RWDD3: variants seen among roughly 807,000 people sequenced by gnomAD.
The protein encoded by RWDD3 is RWD domain containing 3.
In RWDD3, 30 loss-of-function variants were observed where a neutral mutation model predicts 26.5. That is an observed-to-expected ratio of 1.13 (90% CI 0.85 to 1.54). The LOEUF (loss-of-function observed/expected upper bound fraction) is 1.54, where lower values mean the gene tolerates loss of function less well. RWDD3 is among the 40% of genes most tolerant of loss of function. The pLI is 0.00. For synonymous variants in RWDD3, 113 were observed against 114.5 expected, an observed-to-expected ratio of 0.99 and a Z score of 0.09; for missense variants, 296 against 309.1, an observed-to-expected ratio of 0.96 and a Z score of 0.32.
intron 1 of RWDD3, among the ~76,000 whole-genome samples, chr1:95,235,882 A>G (rs1187994801): frequency 6.6e-6 from 1 of 152,154 alleles, no homozygotes; most frequent in Non-Finnish European, 1.5e-5. Flanking sequence ...AAAAAAGAAA[A>G]AACACTGCCA....
chr1:95,242,507 C>T (rs1423029815), intron 1 of RWDD3, among the ~76,000 whole-genome samples: 1 of 152,230 alleles, frequency 6.6e-6, no homozygotes, highest in Non-Finnish European at 1.5e-5. Context: ...AAAGTTTATT[C>T]AGCCTAAATG....
chr1:95,234,263 C>A lies in RWDD3; in HGVS notation c.33C>A (p.Val11=). 6.3e-7 allele frequency: 1 copy of A among 1,598,186 alleles called. No homozygotes were observed. The highest frequency in any genetic ancestry group is 8.5e-7 in the Non-Finnish European group (1 of 1,172,898). Residue 11 remains valine (V), a synonymous_variant, in exon 1 of 4, where the codon GTC becomes GTA. Coordinates refer to ENST00000370202, the MANE Select transcript of RWDD3 (RefSeq NM_015485.5). ...AGCCTGTGCAGGAGGAGCTCTCGGT[C>A]CTGGCCGCGATTTTCTGCAGGCCCC... MAEPVQEELS[V]LAAIFCRPHE...
rs749609666 is a variant in RWDD3, at chr1:95,246,863, T to C, written c.797T>C (p.Val266Ala). ...TTCTCCGAATTTGTACTTGCTCTGG[T>C]AAAATGAAATGGAAGACAGGAATCT... is the stretch of plus-strand genomic sequence containing the variant. The part of the protein sequence containing the change: ...KLFSEFVLAL[V>A]K Residue 266 changes from valine (V) to alanine (A), a missense_variant, in exon 4 of 4, where the codon GTA becomes GCA. By Grantham distance (64) the Val-to-Ala change is moderately conservative. Coordinates refer to ENST00000370202, the MANE Select transcript of RWDD3 (RefSeq NM_015485.5). 6.6e-7 allele frequency: 1 copy of C among 1,510,116 alleles called. No individual in the cohort carries two copies. Among genetic ancestry groups the C allele is most frequent in the Non-Finnish European group, 8.9e-7 (1 of 1,127,016 alleles). The allele number at this position is 1,510,116 out of a possible 1,614,324, so 93.5% of individuals were successfully genotyped here. A position where few individuals can be genotyped will look rare whatever the true frequency, so the allele number is the denominator to read the frequency against.
chr1:95,234,422 A>C, intron 1 of RWDD3, 107 bp downstream of exon 1: 1 of 1,004,722 alleles, frequency 1.0e-6, no homozygotes, highest in South Asian at 1.4e-5. Flanking sequence ...GGGCCCACGT[A>C]TGGGGACCGG....
chr1:95,240,848 GA>G lies in RWDD3; in HGVS notation c.86-3353del, dbSNP rs113157057. Among the ~76,000 whole-genome samples the G allele has an allele frequency of 3.7e-4, 54 of 146,616 alleles. No homozygotes were observed. The East Asian group carries it at 3.8e-3, about 10-fold the overall frequency. On this transcript the variant is annotated intron_variant, in intron 1 of 3. Transcript: ENST00000370202. Reference sequence around the variant, plus strand: ...GAATGCTAAGTATGAAAGAAGGAGGGAAAAAAAAAAGTTGAAGGCAGCTTTA... The same window carrying G: ...GAATGCTAAGTATGAAAGAAGGAGGGAAAAAAAAAGTTGAAGGCAGCTTTA...
chr1:95,238,146 T>G (rs1045086596), intron 1 of RWDD3, among the ~76,000 whole-genome samples: 2 of 152,250 alleles, frequency 1.3e-5, no homozygotes, highest in Non-Finnish European at 2.9e-5. Flanking sequence ...GTGGGAGTTG[T>G]GCTTCTGGAA....
chr1:95,235,047 ATTTATTT>A lies in RWDD3; in HGVS notation c.85+744_85+750del, dbSNP rs1158764998. ...GGCTGAATTTTATTTATTTTATTTT[ATTTATTT>A]TTTATTTTTTAAGACGGAGTCTTGC... On this transcript the variant is annotated intron_variant, in intron 1 of 3. Coordinates refer to ENST00000370202, the MANE Select transcript of RWDD3 (RefSeq NM_015485.5). 2.9e-3 allele frequency among the ~76,000 whole-genome samples: 393 copies of A among 133,492 alleles called. 1 individual carries two copies. The highest frequency in any genetic ancestry group is 4.5e-3 in the Non-Finnish European group (284 of 63,014). 87.6% of individuals were successfully genotyped at this position (133,492 alleles called of 152,430 possible). A position where few individuals can be genotyped will look rare whatever the true frequency, so the allele number is the denominator to read the frequency against.
At chr1:95,244,768 G>A (rs1680782303) in intron 2 of RWDD3, 70 bp downstream of exon 2, 5 of 1,487,408 alleles carry the variant, frequency 3.4e-6, no homozygotes. Flanking sequence ...CTTTAAGTGT[G>A]TTTTATAACA....
At position 95,246,906 on chromosome 1, in the gene RWDD3, G is replaced by A. The variant is rs1397105139; in HGVS notation, c.*36G>A. On this transcript the variant is annotated 3_prime_UTR_variant, in exon 4 of 4. Transcript: ENST00000370202. ...AGGAATCTTTTAGTAAAATAGCAGTGTTTTTTGTTGTTTTTGCATTGGATT... is the reference window on the plus strand; with the variant it reads ...AGGAATCTTTTAGTAAAATAGCAGTATTTTTTGTTGTTTTTGCATTGGATT... 10 of 1,243,288 alleles carry A rather than the reference G, an allele frequency of 8.0e-6. No homozygotes were observed. In the South Asian group the frequency reaches 8.3e-5, roughly 10 times the overall value. 77.0% of individuals were successfully genotyped at this position (1,243,288 alleles called of 1,614,324 possible). A position where few individuals can be genotyped will look rare whatever the true frequency, so the allele number is the denominator to read the frequency against.
chr1:95,244,081 C>T, intron 1 of RWDD3, 130 bp from the exon 2 acceptor site: 2 of 1,358,432 alleles, frequency 1.5e-6, no homozygotes, highest in Non-Finnish European at 2.0e-6. Flanking sequence ...TATTACGTGT[C>T]CCTTCATAAA....
intron 2 of RWDD3, among the ~76,000 whole-genome samples, chr1:95,245,443 A>T (rs1431233850): frequency 6.6e-6 from 1 of 152,238 alleles, no homozygotes; most frequent in Non-Finnish European, 1.5e-5. Flanking sequence ...TAGGTCATGA[A>T]TAATTACATT....
chr1:95,234,360 C>A (rs1680187988), intron 1 of RWDD3, 45 bp downstream of exon 1: 3 of 1,534,282 alleles, frequency 2.0e-6, no homozygotes, highest in Non-Finnish European at 2.7e-6. Flanking sequence ...TCAGGGGCCA[C>A]CCGCGTTCGC....
rs771052210 is a variant in RWDD3, at chr1:95,246,774, C to CA, written c.711dup (p.Glu238ArgfsTer7). On this transcript the variant is annotated frameshift_variant, in exon 4 of 4. Coordinates refer to ENST00000370202, the MANE Select transcript of RWDD3 (RefSeq NM_015485.5). LOFTEE classifies it high-confidence loss of function. The stretch of plus-strand genomic sequence containing the variant: ...AATGCAGGTTTCTGGCATTTGAAGT[C>CA]AAAGAGTATTCAGCGTTGGATGAAT... The CA allele has an allele frequency of 1.3e-6, 2 of 1,561,728 alleles. No individual in the cohort carries two copies. Among genetic ancestry groups the CA allele is most frequent in the Non-Finnish European group, 1.7e-6 (2 of 1,157,370 alleles).
rs1158048193 is a variant in RWDD3, at chr1:95,246,660, A to G, written c.689+3A>G. On this transcript the variant is annotated splice_donor_region_variant and intron_variant, in intron 3 of 3. Coordinates refer to ENST00000370202, the MANE Select transcript of RWDD3 (RefSeq NM_015485.5). ...AAAGTACAGACAGAACACAAAAGGT[A>G]TAATTTAGTACTATTGCAGATGGAA... 6.3e-6 allele frequency: 10 copies of G among 1,587,450 alleles called. No homozygotes were observed. Among genetic ancestry groups the G allele is most frequent in the East Asian group, 2.2e-5 (1 of 44,642 alleles).
At chr1:95,235,013 A>G (rs887837455) in intron 1 of RWDD3, among the ~76,000 whole-genome samples, 1 of 151,254 alleles carries the variant, frequency 6.6e-6, no homozygotes. Context: ...GGCGCGTGCC[A>G]CCATGCCTGG....
intron 1 of RWDD3, among the ~76,000 whole-genome samples, chr1:95,239,329 G>A (rs976943581): frequency 2.6e-5 from 4 of 152,026 alleles, no homozygotes; most frequent in Non-Finnish European, 5.9e-5. Flanking sequence ...GGCAAAAAAA[G>A]AAAACAAAAA....
At chr1:95,238,987 T>C (rs576760656) in intron 1 of RWDD3, among the ~76,000 whole-genome samples, 2 of 152,326 alleles carry the variant, frequency 1.3e-5, no homozygotes, top group South Asian at 4.1e-4. Context: ...TAAGACAGAA[T>C]GATTTGGTTA....
At chr1:95,235,862 T>C (rs887737539) in intron 1 of RWDD3, among the ~76,000 whole-genome samples, 4 of 131,342 alleles carry the variant, frequency 3.0e-5, no homozygotes, top group African/African-American at 4.9e-5. Context: ...GTGGCTTCTA[T>C]TGAATAAAAA....
Position 95,246,857 on chromosome 1 carries a change from C to T in RWDD3, c.791C>T (p.Ala264Val). The T allele has an allele frequency of 6.5e-7, 1 of 1,528,374 alleles. No homozygotes were observed. The highest frequency in any genetic ancestry group is 8.8e-7 in the Non-Finnish European group (1 of 1,140,670). The allele number at this position is 1,528,374 out of a possible 1,614,324, so 94.7% of individuals were successfully genotyped here. The change falls in exon 4 of 4, where the codon GCT becomes GTT. Residue 264 changes from alanine to valine, a missense_variant. By Grantham distance (64) the Ala-to-Val change is moderately conservative. Coordinates refer to ENST00000370202, the MANE Select transcript of RWDD3 (RefSeq NM_015485.5). ...LKKLFSEFVL[A>V]LVK is the part of the protein sequence containing the mutation. ...AAGCTTTTCTCCGAATTTGTACTTGCTCTGGTAAAATGAAATGGAAGACAG... is the reference window on the plus strand; with the variant it reads ...AAGCTTTTCTCCGAATTTGTACTTGTTCTGGTAAAATGAAATGGAAGACAG...
Sources: gnomAD v4.1 joint callset for allele counts (sites outside exome capture counted in the v4.1 genomes callset) on GRCh38, gnomAD v4.1.1 for gene constraint, MANE v1.5 for transcripts, NCBI Gene and HGNC (gene_info 2026-07-23, HGNC 2026-07-21) for gene names.